The following STIM2 variants were observed in gnomAD, a reference collection of about 807,000 sequenced individuals.
STIM2 encodes the protein stromal interaction molecule 2.
Under a neutral mutation model 85.8 loss-of-function variants are expected in STIM2, and 31 were observed. The ratio of observed to expected loss-of-function variants is 0.36; its 90% CI spans 0.27 to 0.49. The LOEUF is 0.49. STIM2 is among the 20% of genes least tolerant of loss of function. The pLI, the probability that STIM2 is intolerant of heterozygous loss-of-function variation, is 0.98. For synonymous variants in STIM2, 356 were observed against 331.1 expected (o/e 1.08, Z -0.82); for missense variants, 841 against 927.6 (o/e 0.91, Z 1.21).
At chr4:26,893,051 G>T (rs1162211648) in intron 1 of STIM2, among the ~76,000 whole-genome samples, 1 of 152,170 alleles carries the variant, frequency 6.6e-6, no homozygotes, top group East Asian at 1.9e-4. Flanking sequence ...ATGGGGATGT[G>T]TTAGAATCAC....
chr4:26,934,268 A>G (rs1725317041), intron 2 of STIM2, among the ~76,000 whole-genome samples: 1 of 152,232 alleles, frequency 6.6e-6, no homozygotes, highest in Non-Finnish European at 1.5e-5. Flanking sequence ...GTAAATTCTA[A>G]TATTTTCTCA....
intron 2 of STIM2, among the ~76,000 whole-genome samples, chr4:26,935,624 G>A (rs1483187335): frequency 6.6e-6 from 1 of 152,176 alleles, no homozygotes; most frequent in Non-Finnish European, 1.5e-5. Context: ...TCAGCAGCTT[G>A]GGGATGGGAC....
chr4:27,004,229 CCTT>C (rs1222881527), intron 7 of STIM2, among the ~76,000 whole-genome samples: 1 of 152,146 alleles, frequency 6.6e-6, no homozygotes, highest in Non-Finnish European at 1.5e-5. Context: ...GTTAACCACT[CCTT>C]CTCTCACACC....
chr4:26,942,192 A>T (rs1308349883), intron 2 of STIM2, among the ~76,000 whole-genome samples: 2 of 152,106 alleles, frequency 1.3e-5, no homozygotes, highest in Non-Finnish European at 2.9e-5. Context: ...CATAAGCTTT[A>T]TCTTCTCTCC....
At chr4:26,880,682 A>AATATATATGTAAATAT (rs1560192606) in intron 1 of STIM2, among the ~76,000 whole-genome samples, 1 of 142,598 alleles carries the variant, frequency 7.0e-6, no homozygotes, top group African/African-American at 2.6e-5. Context: ...TATATATGTA[A>AATATATATGTAAATAT]ATATATATAT....
intron 1 of STIM2, among the ~76,000 whole-genome samples, chr4:26,883,752 A>T (rs78722780): frequency 0.015 from 2,296 of 152,342 alleles, 34 homozygotes; most frequent in Non-Finnish European, 0.023. Flanking sequence ...AGGAGACTTA[A>T]TGCTGTATCA....
chr4:26,885,821 TTATATATATATATATATATATATATATA>T (rs56851120), intron 1 of STIM2, among the ~76,000 whole-genome samples: 2,986 of 84,642 alleles, frequency 0.035, 215 homozygotes, highest in East Asian at 0.096. Context: ...GCACCTCAGG[TTATATATATATATATATATATATATATA>T]TATATATATA....
At chr4:26,931,471 T>C (rs1258812493) in intron 2 of STIM2, among the ~76,000 whole-genome samples, 2 of 152,186 alleles carry the variant, frequency 1.3e-5, no homozygotes, top group Non-Finnish European at 2.9e-5. Context: ...AGTTATAAAA[T>C]TTCCTTTAAA....
At chr4:26,977,624 G>A (rs1727245553) in intron 3 of STIM2, among the ~76,000 whole-genome samples, 1 of 152,074 alleles carries the variant, frequency 6.6e-6, no homozygotes, top group Admixed American at 6.5e-5. Flanking sequence ...GATTTGCTGT[G>A]GAATTGAATT....
At chr4:26,884,902 CACA>C (rs1289729328) in intron 1 of STIM2, among the ~76,000 whole-genome samples, 6 of 152,182 alleles carry the variant, frequency 3.9e-5, no homozygotes, top group Admixed American at 1.3e-4. Context: ...ACAGAATTCT[CACA>C]ACAAGATTCA....
intron 2 of STIM2, among the ~76,000 whole-genome samples, chr4:26,928,540 T>G (rs1008620496): frequency 7.9e-5 from 12 of 152,092 alleles, no homozygotes; most frequent in African/African-American, 2.9e-4. Context: ...TAATTTTTAA[T>G]TTTTTTTACT....
chr4:26,988,601 T>G (rs1727662074), intron 3 of STIM2, among the ~76,000 whole-genome samples: 1 of 152,212 alleles, frequency 6.6e-6, no homozygotes, highest in Non-Finnish European at 1.5e-5. Flanking sequence ...GAAACAGGTT[T>G]GGTCTGAAAC....
intron 11 of STIM2, chr4:27,021,224 C>T: frequency 1.7e-6 from 1 of 602,098 alleles, no homozygotes. Flanking sequence ...AATAAGGCTC[C>T]TTGTCCTTAT....
At chr4:26,975,232 C>T (rs1445358307) in intron 3 of STIM2, among the ~76,000 whole-genome samples, 2 of 152,198 alleles carry the variant, frequency 1.3e-5, no homozygotes, top group Non-Finnish European at 2.9e-5. Flanking sequence ...CTTCTGAAGC[C>T]TACTTCTGTC....
chr4:26,989,513 G>A (rs540969353), intron 3 of STIM2, among the ~76,000 whole-genome samples: 10 of 152,284 alleles, frequency 6.6e-5, no homozygotes, highest in Admixed American at 3.9e-4. Flanking sequence ...GTTTCGTGCC[G>A]AATGGGGAAA....
At chr4:26,941,888 C>T (rs1725623266) in intron 2 of STIM2, among the ~76,000 whole-genome samples, 1 of 152,078 alleles carries the variant, frequency 6.6e-6, no homozygotes, top group South Asian at 2.1e-4. Context: ...AAACTACACA[C>T]TCAATTGTAT....
At chr4:26,963,296 T>C (rs928145767) in intron 3 of STIM2, among the ~76,000 whole-genome samples, 14 of 152,178 alleles carry the variant, frequency 9.2e-5, no homozygotes, top group Non-Finnish European at 1.8e-4. Flanking sequence ...ATAAGATTTT[T>C]CTTCTGGGTA....
chr4:27,017,230 T>C (rs1292632591), intron 10 of STIM2, among the ~76,000 whole-genome samples: 1 of 152,230 alleles, frequency 6.6e-6, no homozygotes, highest in Non-Finnish European at 1.5e-5. Context: ...GAACTCTGCC[T>C]AACCAGCTGT....
At chr4:27,012,462 T>TC (rs5856963) in intron 10 of STIM2, among the ~76,000 whole-genome samples, 146,643 of 152,090 alleles carry the variant, frequency 0.96, 70,802 homozygotes, top group East Asian at 1. Context: ...AAGATTAATT[T>TC]TAGGTACCTT....
Sources: gnomAD v4.1 joint callset for allele counts (sites outside exome capture counted in the v4.1 genomes callset) on GRCh38, gnomAD v4.1.1 for gene constraint, MANE v1.5 for transcripts, NCBI Gene and HGNC (gene_info 2026-07-23, HGNC 2026-07-21) for gene names.